RRM2B: variants seen among roughly 807,000 people sequenced by gnomAD.
RRM2B encodes ribonucleotide reductase regulatory TP53 inducible subunit M2B.
Under a neutral mutation model 45.9 loss-of-function variants are expected in RRM2B, and 20 were observed. The ratio of observed to expected loss-of-function variants is 0.44; its 90% CI spans 0.31 to 0.63. The LOEUF (loss-of-function observed/expected upper bound fraction) is 0.63. Ranked by LOEUF, RRM2B falls within the 30% of genes least tolerant of loss-of-function variation. The probability of loss-of-function intolerance (pLI) is 0.09; values close to 1 mark genes in which losing one functional copy is unlikely to be tolerated. For missense variants in RRM2B, 320 were observed against 414.7 expected (o/e 0.77, Z 1.98); for synonymous variants, 124 against 132.3 (o/e 0.94, Z 0.43).
intron 6 of RRM2B, among the ~76,000 whole-genome samples, chr8:102,215,219 C>T (rs932031227): frequency 1.3e-4 from 20 of 151,642 alleles, no homozygotes; most frequent in African/African-American, 4.8e-4. Flanking sequence ...TCGAGACCAG[C>T]CTGGGCAACC....
intron 8 of RRM2B, among the ~76,000 whole-genome samples, chr8:102,209,647 T>G (rs1306353925): frequency 6.6e-6 from 1 of 152,184 alleles, no homozygotes; most frequent in African/African-American, 2.4e-5. Context: ...ACTTAAGAGA[T>G]ATGAAAACAT....
intron 2 of RRM2B, among the ~76,000 whole-genome samples, chr8:102,228,945 CTTTCT>C (rs1382780928): frequency 5.3e-5 from 8 of 152,238 alleles, no homozygotes; most frequent in African/African-American, 1.4e-4. Context: ...TGTCTTTTGC[CTTTCT>C]TTTATTTACT....
chr8:102,225,266 G>T (rs1043605425), intron 3 of RRM2B, among the ~76,000 whole-genome samples: 1 of 120,642 alleles, frequency 8.3e-6, no homozygotes, highest in South Asian at 2.6e-4. Flanking sequence ...ATGGAGTCTC[G>T]ATCTGTCACC....
At position 102,206,028 on chromosome 8, in the gene RRM2B, G is replaced by A. The variant is rs1007837281; in HGVS notation, c.*2105C>T. 1 of 151,914 alleles carries A rather than the reference G, an allele frequency of 6.6e-6. No individual in the cohort carries two copies. The highest frequency in any genetic ancestry group is 6.6e-5 in the Admixed American group (1 of 15,250). The allele number at this position is 151,914 out of a possible 1,614,324, so 9.4% of individuals were successfully genotyped here. ...ACAATTTTTTTTCTTTCATTCTGAT[G>A]TCATTACAGATATTATCAGTTTTAA... On this transcript the variant is annotated 3_prime_UTR_variant, in exon 9 of 9. Coordinates refer to ENST00000251810, the MANE Select transcript of RRM2B (RefSeq NM_015713.5).
intron 1 of RRM2B, among the ~76,000 whole-genome samples, chr8:102,236,899 C>A (rs2853230): frequency 1.3e-5 from 2 of 152,118 alleles, no homozygotes; most frequent in Non-Finnish European, 2.9e-5. Flanking sequence ...CAAGCACTTA[C>A]GATGCCCCAA....
intron 1 of RRM2B, among the ~76,000 whole-genome samples, chr8:102,233,068 G>A (rs1811059293): frequency 6.6e-6 from 1 of 152,228 alleles, no homozygotes; most frequent in Non-Finnish European, 1.5e-5. Context: ...AGTCGCACAT[G>A]TGTGAGAATG....
chr8:102,224,732 A>T (rs1415010266), intron 4 of RRM2B, among the ~76,000 whole-genome samples, 153 bp downstream of exon 4: 1 of 152,206 alleles, frequency 6.6e-6, no homozygotes, highest in Non-Finnish European at 1.5e-5. Context: ...AGTTTTTTTT[A>T]AAACCCAATA....
At chr8:102,210,099 A>G (rs1162293451) in intron 8 of RRM2B, among the ~76,000 whole-genome samples, 1 of 152,226 alleles carries the variant, frequency 6.6e-6, no homozygotes, top group Non-Finnish European at 1.5e-5. Context: ...TGATGGTTGT[A>G]CAACTCTGTG....
Position 102,238,879 on chromosome 8 carries a change from C to A in RRM2B, c.-5G>T. On this transcript the variant is annotated 5_prime_UTR_variant, in exon 1 of 9. Coordinates refer to ENST00000251810, the MANE Select transcript of RRM2B (RefSeq NM_015713.5). ...CGGCCTTTCCGGGTCGCCCATCGCG[C>A]AGACTCCGCCGAAGCTACGGGCGCT... The A allele has an allele frequency of 6.2e-7, 1 of 1,611,202 alleles. No individual in the cohort carries two copies. Among genetic ancestry groups the A allele is most frequent in the East Asian group, 2.2e-5 (1 of 44,862 alleles).
chr8:102,230,207 G>A (rs1261168015), intron 2 of RRM2B, among the ~76,000 whole-genome samples: 1 of 152,146 alleles, frequency 6.6e-6, no homozygotes, highest in Non-Finnish European at 1.5e-5. Context: ...AACCATTTAA[G>A]CTGACTAAAT....
intron 6 of RRM2B, chr8:102,214,516 T>C (rs766524477): frequency 2.3e-5 from 6 of 264,928 alleles, no homozygotes; most frequent in South Asian, 3.8e-5. Flanking sequence ...TAAGGAATGA[T>C]TGAAAAATAA....
chr8:102,222,177 G>C (rs1171255938), intron 5 of RRM2B, among the ~76,000 whole-genome samples: 1 of 151,644 alleles, frequency 6.6e-6, no homozygotes, highest in East Asian at 1.9e-4. Flanking sequence ...CTGGGCTTAA[G>C]TGGTCCTCCT....
At chr8:102,215,944 C>CACA (rs1810722277) in intron 6 of RRM2B, among the ~76,000 whole-genome samples, 1 of 75,714 alleles carries the variant, frequency 1.3e-5, no homozygotes, top group Non-Finnish European at 2.4e-5. Context: ...GACCCTGTCT[C>CACA]AAAAAAAAAA....
intron 7 of RRM2B, among the ~76,000 whole-genome samples, chr8:102,213,799 A>G (rs1476204727): frequency 1.3e-5 from 2 of 152,212 alleles, no homozygotes; most frequent in Non-Finnish European, 2.9e-5. Context: ...ACAGAGATCA[A>G]TAAGACAGAA....
intron 6 of RRM2B, 171 bp from the exon 7 acceptor site, chr8:102,214,329 G>A: frequency 1.6e-6 from 1 of 640,686 alleles, no homozygotes; most frequent in Non-Finnish European, 2.8e-6. Context: ...CTCATTAAAT[G>A]CCAATACAAT....
chr8:102,224,765 T>C (rs1810899389), intron 4 of RRM2B, 120 bp downstream of exon 4: 1 of 1,016,308 alleles, frequency 9.8e-7, no homozygotes, highest in African/African-American at 1.6e-5. Context: ...ATAGAAAATA[T>C]TATGCTCAGA....
At chr8:102,215,136 G>A (rs1242234145) in intron 6 of RRM2B, among the ~76,000 whole-genome samples, 9 of 151,558 alleles carry the variant, frequency 5.9e-5, no homozygotes. Context: ...TTCCCAGGCT[G>A]GGCATGGTGG....
Position 102,218,925 on chromosome 8 carries a change from A to G in RRM2B, c.573T>C (p.Ala191=), listed in dbSNP as rs1810779787. ...STFGERVVAF[A]AVEGVFFSGS... is the part of the protein sequence containing the mutation. ...CTGAGAAGAAAACTCCTTCTACAGC[A>G]GCAAAGGCCACCACTCTTTCCCCTG... is the stretch of plus-strand genomic sequence containing the variant. Residue 191 remains alanine, a synonymous_variant, in exon 6 of 9, where the codon GCT becomes GCC. Transcript: ENST00000251810. The G allele has an allele frequency of 6.2e-7, 1 of 1,613,404 alleles. No individual in the cohort carries two copies. The highest frequency in any genetic ancestry group is 8.5e-7 in the Non-Finnish European group (1 of 1,179,578).
chr8:102,235,400 GAATA>G (rs916570312), intron 1 of RRM2B, among the ~76,000 whole-genome samples: 1 of 152,142 alleles, frequency 6.6e-6, no homozygotes, highest in African/African-American at 2.4e-5. Context: ...AGTACCTGGA[GAATA>G]AATAAATAAA....
Sources: allele counts gnomAD v4.1 joint callset (sites outside exome capture counted in the v4.1 genomes callset), GRCh38; gene constraint gnomAD v4.1.1; transcripts MANE v1.5; gene names NCBI Gene and HGNC (gene_info 2026-07-23, HGNC 2026-07-21).